Variants in EPN1 observed in about 807,000 individuals in gnomAD.
The protein encoded by EPN1 is epsin-1.
In EPN1, 25 loss-of-function variants were observed where a neutral mutation model predicts 56.9. The ratio of observed to expected loss-of-function variants is 0.44; its 90% CI spans 0.32 to 0.61. The LOEUF (loss-of-function observed/expected upper bound fraction) is 0.61. Among genes scored for constraint, EPN1 ranks in the 20% least tolerant of loss-of-function variants. The pLI is 0.05. For synonymous variants in EPN1, 411 were observed against 361.8 expected (o/e 1.14, Z -1.54); for missense variants, 785 against 823.7 (o/e 0.95, Z 0.58).
At chr19:55,679,147 T>C (rs926663488) in intron 2 of EPN1, among the ~76,000 whole-genome samples, 1 of 152,228 alleles carries the variant, frequency 6.6e-6, no homozygotes, top group Admixed American at 6.5e-5. Flanking sequence ...ACCCAGTTCC[T>C]TTCCTCACAG....
At position 55,700,353 on chromosome 19, in the gene EPN1, C is replaced by T. The variant is rs1987084058; in HGVS notation, c.*4997C>T. On this transcript the variant is annotated 3_prime_UTR_variant, in exon 11 of 11. Coordinates refer to ENST00000270460, the MANE Select transcript of EPN1 (RefSeq NM_001130072.2). ...GGAGTGCAGTGGCGCGATCTCGGCTCACTGCAACCTCCGCCTCCCGGGTTC... is the reference window on the plus strand; with the variant it reads ...GGAGTGCAGTGGCGCGATCTCGGCTTACTGCAACCTCCGCCTCCCGGGTTC... 6.6e-6 allele frequency: 1 copy of T among 151,238 alleles called. No individual in the cohort carries two copies. Among genetic ancestry groups the T allele is most frequent in the African/African-American group, 2.5e-5 (1 of 39,712 alleles). The allele number at this position is 151,238 out of a possible 1,614,324, so 9.4% of individuals were successfully genotyped here. A position where few individuals can be genotyped will look rare whatever the true frequency, so the allele number is the denominator to read the frequency against.
intron 1 of EPN1, 115 bp downstream of exon 1, chr19:55,675,550 TTG>T (rs140325292): frequency 0.011 from 1,624 of 152,898 alleles, 16 homozygotes; most frequent in African/African-American, 0.032. Context: ...CTGGCGGCCT[TTG>T]TGTCTCTGCT....
rs983477191 is a variant in EPN1 at position 55,695,880 on chromosome 19, C to G, written c.*524C>G. On this transcript the variant is annotated 3_prime_UTR_variant, in exon 11 of 11. Transcript: ENST00000270460. The surrounding 1 kb of genome is among the most constrained non-coding windows in gnomAD (Gnocchi z 4.4). Reference sequence around the variant, plus strand: ...GGTGGCTGGCAACCAGCCCCTCTGTCTCAGAAGCCCTGATTTCCCTGACCC... The same window carrying G: ...GGTGGCTGGCAACCAGCCCCTCTGTGTCAGAAGCCCTGATTTCCCTGACCC... 6.4e-6 allele frequency: 1 copy of G among 155,140 alleles called. No individual in the cohort carries two copies. Among genetic ancestry groups the G allele is most frequent in the Non-Finnish European group, 1.4e-5 (1 of 70,088 alleles). The allele number at this position is 155,140 out of a possible 1,614,324, so 9.6% of individuals were successfully genotyped here.
chr19:55,682,021 G>A (rs1985850383), intron 2 of EPN1, among the ~76,000 whole-genome samples: 1 of 152,108 alleles, frequency 6.6e-6, no homozygotes, highest in Admixed American at 6.5e-5. Context: ...GCCCAGGCTG[G>A]TCTTGAACTC....
Position 55,708,898 on chromosome 19 carries a change from C to A in EPN1, c.*13542C>A. ...GAAAGCCTTTGTGAGACGACTACTT[C>A]AGGGTGTTCCCCATCAGAGGAGCAC... is the stretch of plus-strand genomic sequence containing the variant. On this transcript the variant is annotated 3_prime_UTR_variant, in exon 11 of 11. Coordinates refer to ENST00000270460, the MANE Select transcript of EPN1 (RefSeq NM_001130072.2). 1.3e-6 allele frequency: 2 copies of A among 1,525,932 alleles called. No homozygotes were observed. Among genetic ancestry groups the A allele is most frequent in the African/African-American group, 1.4e-5 (1 of 69,774 alleles). The allele number at this position is 1,525,932 out of a possible 1,614,324, so 94.5% of individuals were successfully genotyped here. A position where few individuals can be genotyped will look rare whatever the true frequency, so the allele number is the denominator to read the frequency against.
At chr19:55,690,573 C>T (rs906002818) in intron 6 of EPN1, among the ~76,000 whole-genome samples, 24 of 152,220 alleles carry the variant, frequency 1.6e-4, no homozygotes, top group Admixed American at 2.6e-4. Flanking sequence ...TGGCCTTGCC[C>T]TCCAGCCTCC....
rs1228335545 is a variant in EPN1, at chr19:55,704,654, A to G, written c.*9298A>G. 1 of 152,306 alleles carries G rather than the reference A, an allele frequency of 6.6e-6. No individual in the cohort carries two copies. Among genetic ancestry groups the G allele is most frequent in the African/African-American group, 2.4e-5 (1 of 41,430 alleles). The allele number at this position is 152,306 out of a possible 1,614,324, so 9.4% of individuals were successfully genotyped here. A position where few individuals can be genotyped will look rare whatever the true frequency, so the allele number is the denominator to read the frequency against. On this transcript the variant is annotated 3_prime_UTR_variant, in exon 11 of 11. Coordinates refer to ENST00000270460, the MANE Select transcript of EPN1 (RefSeq NM_001130072.2). ...CCACACTGTCTGGGGGAAGGCACAC[A>G]CACCCCACAGCACCCTTGCTGTCTC...
chr19:55,690,869 A>G (rs1428028111), intron 6 of EPN1, among the ~76,000 whole-genome samples: 2 of 152,180 alleles, frequency 1.3e-5, no homozygotes, highest in Non-Finnish European at 2.9e-5. Flanking sequence ...GGCCTCGGCC[A>G]GGGGGTCTCT....
rs779912333 is a variant in EPN1, at chr19:55,694,871, G to T, written c.1410G>T (p.Thr470=). 5.6e-6 allele frequency: 9 copies of T among 1,604,886 alleles called. No individual in the cohort carries two copies. Among genetic ancestry groups the T allele is most frequent in the Non-Finnish European group, 7.7e-6 (9 of 1,176,172 alleles). Residue 470 remains threonine (T), a synonymous_variant, in exon 10 of 11, where the codon ACG becomes ACT. Coordinates refer to ENST00000270460, the MANE Select transcript of EPN1 (RefSeq NM_001130072.2). This position sits in a 1 kb window ranked among gnomAD's most constrained non-coding sequence, Gnocchi z 4.2. ...TPTPTPPTRK[T]PESFLGPNAA... ...CTCCCACGCCCCCCACCCGGAAGACGCCGGAGTCATTCCTGGGGCCCAATG... is the reference window on the plus strand; with the variant it reads ...CTCCCACGCCCCCCACCCGGAAGACTCCGGAGTCATTCCTGGGGCCCAATG...
At position 55,700,976 on chromosome 19, in the gene EPN1, G is replaced by A. The variant is rs552553392; in HGVS notation, c.*5620G>A. On this transcript the variant is annotated 3_prime_UTR_variant, in exon 11 of 11. Transcript: ENST00000270460. The stretch of plus-strand genomic sequence containing the variant: ...AGCTTAGGGCATCACGTCCAGGAGT[G>A]GCCAGGTCCCGATGTCACGGGGAGC... The A allele has an allele frequency of 2.0e-5, 3 of 152,416 alleles. No homozygotes were observed. In the East Asian group the frequency reaches 5.8e-4, roughly 29 times the overall value. The allele number at this position is 152,416 out of a possible 1,614,324, so 9.4% of individuals were successfully genotyped here. A position where few individuals can be genotyped will look rare whatever the true frequency, so the allele number is the denominator to read the frequency against.
rs1223841401 is a variant in EPN1, at chr19:55,706,744, A to T, written c.*11388A>T. The T allele has an allele frequency of 6.6e-6, 1 of 152,200 alleles. No homozygotes were observed. Among genetic ancestry groups the T allele is most frequent in the Non-Finnish European group, 1.5e-5 (1 of 68,042 alleles). 9.4% of individuals were successfully genotyped at this position (152,200 alleles called of 1,614,324 possible). A position where few individuals can be genotyped will look rare whatever the true frequency, so the allele number is the denominator to read the frequency against. On this transcript the variant is annotated 3_prime_UTR_variant, in exon 11 of 11. Coordinates refer to ENST00000270460, the MANE Select transcript of EPN1 (RefSeq NM_001130072.2). Reference sequence around the variant, plus strand: ...AACAATAGTAAAGAGAGATTAAAAAAAAAAAGTAAATGGGCCAGGTGCGAT... The same window carrying T: ...AACAATAGTAAAGAGAGATTAAAAATAAAAAGTAAATGGGCCAGGTGCGAT...
At position 55,709,059 on chromosome 19, in the gene EPN1, A is replaced by G. The variant is rs1214730204; in HGVS notation, c.*13703A>G. ...ATTTGTGCAGCCTGGGAAAATAGAAATAAAGTTTTTTTTTTTGTTTTTCAT... is the reference window on the plus strand; with the variant it reads ...ATTTGTGCAGCCTGGGAAAATAGAAGTAAAGTTTTTTTTTTTGTTTTTCAT... On this transcript the variant is annotated 3_prime_UTR_variant, in exon 11 of 11. Transcript: ENST00000270460. 2 of 1,552,494 alleles carry G rather than the reference A, an allele frequency of 1.3e-6. No homozygotes were observed. Among genetic ancestry groups the G allele is most frequent in the Non-Finnish European group, 1.7e-6 (2 of 1,159,342 alleles).
In EPN1 at chr19:55,694,610, C is replaced by G. The variant is rs893409579; in HGVS notation, c.1265-116C>G. ...GCTCTGCACCTCAGTTCCTCCTTCCCGAGGCCTCTGGGCACCGGGCTCTTT... is the reference window on the plus strand; with the variant it reads ...GCTCTGCACCTCAGTTCCTCCTTCCGGAGGCCTCTGGGCACCGGGCTCTTT... On this transcript the variant is annotated intron_variant, in intron 9 of 10. Coordinates refer to ENST00000270460, the MANE Select transcript of EPN1 (RefSeq NM_001130072.2). This position sits in a 1 kb window ranked among gnomAD's most constrained non-coding sequence, Gnocchi z 4.2. 41 of 1,299,546 alleles carry G rather than the reference C, an allele frequency of 3.2e-5. 1 individual carries two copies. Among genetic ancestry groups the G allele is most frequent in the Middle Eastern group, 2.7e-4 (1 of 3,698 alleles). 80.5% of individuals were successfully genotyped at this position (1,299,546 alleles called of 1,614,324 possible). A position where few individuals can be genotyped will look rare whatever the true frequency, so the allele number is the denominator to read the frequency against.
chr19:55,707,371 AAAAT>A lies in EPN1; in HGVS notation c.*12021_*12024del, dbSNP rs1332209588. On this transcript the variant is annotated 3_prime_UTR_variant, in exon 11 of 11. Transcript: ENST00000270460. Reference sequence around the variant, plus strand: ...CAAAAGAAAGAACAAATAACAAATGAAAATAAATACCCAAAAACCAGTCAAATGT... The same window carrying A: ...CAAAAGAAAGAACAAATAACAAATGAAAATACCCAAAAACCAGTCAAATGT... The A allele has an allele frequency of 5.2e-5, 8 of 152,436 alleles. No homozygotes were observed. Among genetic ancestry groups the A allele is most frequent in the African/African-American group, 1.7e-4 (7 of 41,574 alleles). 9.4% of individuals were successfully genotyped at this position (152,436 alleles called of 1,614,324 possible). A position where few individuals can be genotyped will look rare whatever the true frequency, so the allele number is the denominator to read the frequency against.
chr19:55,708,269 G>A lies in EPN1; in HGVS notation c.*12913G>A, dbSNP rs1987525789. On this transcript the variant is annotated 3_prime_UTR_variant, in exon 11 of 11. Transcript: ENST00000270460. ...GTTTTGTAATAAAAATTTTAGACCA[G>A]GCCAATAAGGCATCAGCAATTTACC... The A allele has an allele frequency of 6.6e-6, 1 of 152,104 alleles. No individual in the cohort carries two copies. Among genetic ancestry groups the A allele is most frequent in the Non-Finnish European group, 1.5e-5 (1 of 68,022 alleles). The allele number at this position is 152,104 out of a possible 1,614,324, so 9.4% of individuals were successfully genotyped here.
At chr19:55,675,620 T>C (rs1384871487) in intron 1 of EPN1, among the ~76,000 whole-genome samples, 185 bp downstream of exon 1, 4 of 152,192 alleles carry the variant, frequency 2.6e-5, no homozygotes, top group African/African-American at 4.8e-5. Context: ...CTCTCGTGTC[T>C]GTGTGTCTGT....
Position 55,698,546 on chromosome 19 carries a change from G to C in EPN1, c.*3190G>C, listed in dbSNP as rs1315546959. 6.6e-6 allele frequency: 1 copy of C among 152,388 alleles called. No individual in the cohort carries two copies. Among genetic ancestry groups the C allele is most frequent in the Non-Finnish European group, 1.5e-5 (1 of 68,176 alleles). The allele number at this position is 152,388 out of a possible 1,614,324, so 9.4% of individuals were successfully genotyped here. ...TGTGCTCACCCTAGCCTTACCCCTC[G>C]CTCTACTCCCGCCCTCGCCCTATCC... is the stretch of plus-strand genomic sequence containing the variant. On this transcript the variant is annotated 3_prime_UTR_variant, in exon 11 of 11. Coordinates refer to ENST00000270460, the MANE Select transcript of EPN1 (RefSeq NM_001130072.2).
At chr19:55,679,599 G>A (rs1985675185) in intron 2 of EPN1, among the ~76,000 whole-genome samples, 1 of 152,198 alleles carries the variant, frequency 6.6e-6, no homozygotes, top group Non-Finnish European at 1.5e-5. Flanking sequence ...ACCCTCATGC[G>A]CTTAGACCTG....
Position 55,705,813 on chromosome 19 carries a change from A to ATATATATATATATATATATG in EPN1, c.*10472_*10473insATATGTATATATATATATAT, listed in dbSNP as rs1244325423. ...TGGAATATTTGTTGTTGTGGGATAT[A>ATATATATATATATATATATG]TATATATATATATATTTAGAGTGTT... On this transcript the variant is annotated 3_prime_UTR_variant, in exon 11 of 11. Transcript: ENST00000270460. 42 of 124,736 alleles carry ATATATATATATATATATATG rather than the reference A, an allele frequency of 3.4e-4. 1 individual carries two copies. Among genetic ancestry groups the ATATATATATATATATATATG allele is most frequent in the African/African-American group, 1.4e-3 (39 of 27,878 alleles). 7.7% of individuals were successfully genotyped at this position (124,736 alleles called of 1,614,324 possible).
Sources: gnomAD v4.1 joint callset for allele counts (sites outside exome capture counted in the v4.1 genomes callset) on GRCh38, gnomAD v4.1.1 for gene constraint, Gnocchi (gnomAD v3.1) non-coding constraint, MANE v1.5 for transcripts, NCBI Gene and HGNC (gene_info 2026-07-23, HGNC 2026-07-21) for gene names.